The following PVT1 variants were observed in gnomAD, a reference collection of about 807,000 sequenced individuals.
PVT1 encodes Pvt1 oncogene, also known as CXCR4/PVT1 fusion.
At chr8:127,930,112 TAAC>T in intron 3 of PVT1, among the ~76,000 whole-genome samples, 1 of 152,138 alleles carries the variant, frequency 6.6e-6, no homozygotes, top group East Asian at 1.9e-4. Context: ...ATTTCACAAA[TAAC>T]AATAATTAAA....
intron 3 of PVT1, among the ~76,000 whole-genome samples, chr8:127,961,448 C>T (rs576086665): frequency 1.1e-4 from 16 of 152,226 alleles, no homozygotes; most frequent in East Asian, 1.9e-4. Flanking sequence ...TGAATAGATT[C>T]GGTGCTGTGT....
chr8:128,027,735 A>C (rs1280987077), intron 4 of PVT1, among the ~76,000 whole-genome samples: 1 of 152,176 alleles, frequency 6.6e-6, no homozygotes, highest in Non-Finnish European at 1.5e-5. Context: ...GGTTCTCAGC[A>C]CTACTGAGTG....
chr8:128,100,397 G>C lies in PVT1; in HGVS notation n.1251+3743G>C, dbSNP rs148167954. Among the ~76,000 whole-genome samples, 259 of 152,230 alleles carry C rather than the reference G, an allele frequency of 1.7e-3. 2 individuals carry two copies. Among genetic ancestry groups the C allele is most frequent in the African/African-American group, 5.9e-3 (244 of 41,530 alleles). On this transcript the variant is annotated intron_variant and non_coding_transcript_variant, in intron 6 of 10. Coordinates refer to ENST00000651587, the Ensembl canonical transcript of PVT1. The stretch of plus-strand genomic sequence containing the variant: ...ATCAAGGCAATAGACCAAAACCTAA[G>C]CAGGCCACTAACTTGTGTTTAAGTA...
chr8:128,070,102 T>C (rs144722949), intron 4 of PVT1: 2 of 152,282 alleles, frequency 1.3e-5, no homozygotes, highest in East Asian at 3.9e-4. Context: ...TTTAGACAAA[T>C]GGGATTCTGC....
chr8:127,830,340 A>G (rs1184503313), intron 2 of PVT1, among the ~76,000 whole-genome samples: 8 of 151,728 alleles, frequency 5.3e-5, no homozygotes, highest in African/African-American at 9.7e-5. Flanking sequence ...GTGGAGGGAG[A>G]GGTGTGGTTG....
chr8:128,060,780 TAAGATA>T (rs1475010673), intron 4 of PVT1, among the ~76,000 whole-genome samples: 2 of 152,250 alleles, frequency 1.3e-5, no homozygotes, highest in Non-Finnish European at 2.9e-5. Flanking sequence ...ACAGCTTTGT[TAAGATA>T]TAATTTACAT....
intron 2 of PVT1, among the ~76,000 whole-genome samples, chr8:127,864,652 A>C (rs1815267442): frequency 6.6e-6 from 1 of 151,776 alleles, no homozygotes; most frequent in African/African-American, 2.4e-5. Context: ...GGTTCACGCC[A>C]TTCTCCTGCC....
chr8:127,970,008 A>G (rs964861852), intron 3 of PVT1, among the ~76,000 whole-genome samples: 2 of 152,230 alleles, frequency 1.3e-5, no homozygotes, highest in African/African-American at 4.8e-5. Context: ...CTTCCCAGAA[A>G]AGAAGACAAG....
chr8:127,984,837 T>TTTTCTTTCTTTCTTTC (rs71300287), intron 3 of PVT1, among the ~76,000 whole-genome samples: 33 of 81,330 alleles, frequency 4.1e-4, no homozygotes, highest in Non-Finnish European at 5.3e-4. Context: ...CTTTCTTTTC[T>TTTTCTTTCTTTCTTTC]TTTCTTTCTT....
intron 4 of PVT1, among the ~76,000 whole-genome samples, chr8:128,041,499 ATGTG>A (rs972331091): frequency 2.8e-5 from 1 of 36,336 alleles, no homozygotes; most frequent in Non-Finnish European, 6.0e-5. Flanking sequence ...TGTGTTTGGT[ATGTG>A]TGTGTGTGTG....
chr8:128,050,405 GC>G (rs1813676081), intron 4 of PVT1, among the ~76,000 whole-genome samples: 1 of 152,308 alleles, frequency 6.6e-6, no homozygotes, highest in African/African-American at 2.4e-5. Flanking sequence ...CTCTCAGGGG[GC>G]ATTAAGTCCA....
intron 5 of PVT1, among the ~76,000 whole-genome samples, chr8:128,074,268 A>G (rs973117884): frequency 1.3e-5 from 2 of 152,200 alleles, no homozygotes; most frequent in African/African-American, 4.8e-5. Context: ...GGACTTTGGA[A>G]GCCCAAGATG....
chr8:128,046,767 T>G (rs181550308), intron 4 of PVT1, among the ~76,000 whole-genome samples: 83 of 152,378 alleles, frequency 5.4e-4, no homozygotes, highest in Admixed American at 1.1e-3. Flanking sequence ...ATGTTCACTC[T>G]TCAATATCTA....
At chr8:127,883,271 GC>G (rs1177365909) in intron 2 of PVT1, among the ~76,000 whole-genome samples, 3 of 152,192 alleles carry the variant, frequency 2.0e-5, no homozygotes, top group Non-Finnish European at 4.4e-5. Flanking sequence ...ACCAGCCTGT[GC>G]CAACCCTGTA....
intron 2 of PVT1, among the ~76,000 whole-genome samples, chr8:127,842,697 A>G (rs1015337711): frequency 6.6e-6 from 1 of 152,150 alleles, no homozygotes; most frequent in Non-Finnish European, 1.5e-5. Flanking sequence ...GACAGGGCCA[A>G]TAATGAAGTG....
rs1157326407 is a variant in PVT1 at position 127,990,489 on chromosome 8, A to AT, written n.912+1206dup. Among the ~76,000 whole-genome samples, 3 of 152,224 alleles carry AT rather than the reference A, an allele frequency of 2.0e-5. No homozygotes were observed. The South Asian group carries it at 6.2e-4, about 32-fold the overall frequency. On this transcript the variant is annotated intron_variant and non_coding_transcript_variant, in intron 4 of 10. Coordinates refer to ENST00000651587, the Ensembl canonical transcript of PVT1. ...AGAGGAAAGAATGAGGTCAGTTGCA[A>AT]TTTTTTTTAAGTAAGATGTTGGAAA...
At chr8:128,072,586 C>T (rs1237044647) in intron 5 of PVT1, among the ~76,000 whole-genome samples, 1 of 152,140 alleles carries the variant, frequency 6.6e-6, no homozygotes, top group African/African-American at 2.4e-5. Flanking sequence ...TCATTTCCCC[C>T]CAACTCCATT....
intron 2 of PVT1, among the ~76,000 whole-genome samples, chr8:127,805,367 A>T (rs1248427833): frequency 2.7e-5 from 4 of 149,370 alleles, no homozygotes; most frequent in African/African-American, 9.9e-5. Flanking sequence ...TCAGTTAATT[A>T]AAAAAAAAAC....
intron 2 of PVT1, among the ~76,000 whole-genome samples, chr8:127,842,728 C>A (rs1015958047): frequency 2.0e-5 from 3 of 152,164 alleles, no homozygotes; most frequent in Admixed American, 2.0e-4. Context: ...ACCAACCCTC[C>A]CTCTTGCTTC....
Sources: allele counts gnomAD v4.1 joint callset (sites outside exome capture counted in the v4.1 genomes callset), GRCh38; gene constraint gnomAD v4.1.1; transcripts MANE v1.5; gene names NCBI Gene and HGNC (gene_info 2026-07-23, HGNC 2026-07-21).